The following C2CD3 variants were observed in gnomAD, a reference collection of about 807,000 sequenced individuals.
C2CD3 encodes the protein C2 domain-containing protein 3.
In C2CD3, 148 loss-of-function variants were observed where a neutral mutation model predicts 234.0. The observed-to-expected ratio is 0.63, with a 90% CI of 0.55 to 0.72. The LOEUF is 0.72. Among genes scored for constraint, C2CD3 ranks in the 30% least tolerant of loss-of-function variants. C2CD3 has a pLI of 0.00. For synonymous variants in C2CD3, 1,000 were observed against 1,035.4 expected (o/e 0.97, Z 0.66); for missense variants, 2,577 against 2,811.5 (o/e 0.92, Z 1.89).
intron 22 of C2CD3, among the ~76,000 whole-genome samples, chr11:74,084,541 G>T (rs1955553600): frequency 6.6e-6 from 1 of 152,126 alleles, no homozygotes; most frequent in African/African-American, 2.4e-5. Flanking sequence ...TTCCCAAAGT[G>T]CTGGGATTAC....
At chr11:74,099,009 G>A (rs919848255) in intron 15 of C2CD3, among the ~76,000 whole-genome samples, 1 of 152,178 alleles carries the variant, frequency 6.6e-6, no homozygotes, top group Non-Finnish European at 1.5e-5. Context: ...CAACTATGAT[G>A]CTTGGTACAT....
chr11:74,084,427 TATAATA>T (rs1285103119), intron 22 of C2CD3, among the ~76,000 whole-genome samples: 4 of 96,050 alleles, frequency 4.2e-5, no homozygotes, highest in Non-Finnish European at 3.9e-5. Context: ...GAACTTAAAG[TATAATA>T]AAAAAAAAAA....
chr11:74,162,573 T>C (rs1022839418), intron 2 of C2CD3, among the ~76,000 whole-genome samples: 6 of 152,272 alleles, frequency 3.9e-5, no homozygotes, highest in African/African-American at 1.4e-4. Flanking sequence ...TAATTTCAAA[T>C]AATCACTTAT....
Position 74,078,274 on chromosome 11 carries a change from G to A in C2CD3, c.4444C>T (p.Leu1482Phe). 6.2e-7 allele frequency: 1 copy of A among 1,614,180 alleles called. No individual in the cohort carries two copies. The highest frequency in any genetic ancestry group is 8.5e-7 in the Non-Finnish European group (1 of 1,180,030). ...RAEVTRGPSL[L>F]WYFREERLEI... is the part of the protein sequence containing the mutation. ...AGCCTCTCCTCCCTGAAGTACCAAAGCAGTGATGGGCCCCTGGTGACTTCT... is the reference window on the plus strand; with the variant it reads ...AGCCTCTCCTCCCTGAAGTACCAAAACAGTGATGGGCCCCTGGTGACTTCT... The change falls in exon 23 of 33, where the codon CTT (leucine) becomes TTT (phenylalanine). Residue 1482 changes from leucine (L) to phenylalanine (F), a missense_variant. Leu to Phe is a conservative substitution (Grantham distance 22). Coordinates refer to ENST00000334126, the MANE Select transcript of C2CD3 (RefSeq NM_001286577.2).
chr11:74,168,368 T>G lies in C2CD3; in HGVS notation c.301A>C (p.Lys101Gln). The change falls in exon 2 of 33, where the codon AAA becomes CAA. Residue 101 changes from lysine to glutamine, a missense_variant. Physicochemically the swap from Lys to Gln is moderately conservative, Grantham distance 53 (BLOSUM62 1). Coordinates refer to ENST00000334126, the MANE Select transcript of C2CD3 (RefSeq NM_001286577.2). The stretch of plus-strand genomic sequence containing the variant: ...CCTGTTAGATAAGAGGTAAACTGTT[T>G]TGGACCACAACGAATAGCGTAACGT... ...TTRYAIRCGP[K>Q]QFTSYLTDMA... The G allele has an allele frequency of 6.2e-7, 1 of 1,614,110 alleles. No individual in the cohort carries two copies. Among genetic ancestry groups the G allele is most frequent in the Non-Finnish European group, 8.5e-7 (1 of 1,179,914 alleles).
At chr11:74,027,457 T>C (rs1172292513) in intron 32 of C2CD3, among the ~76,000 whole-genome samples, 2 of 152,186 alleles carry the variant, frequency 1.3e-5, no homozygotes, top group African/African-American at 2.4e-5. Flanking sequence ...CCTCATCAGA[T>C]TGCTAAATTT....
chr11:74,132,852 T>A lies in C2CD3; in HGVS notation c.1209A>T (p.Leu403=). The change falls in exon 7 of 33, where the codon CTA becomes CTT. Residue 403 remains leucine (L), a synonymous_variant. Coordinates refer to ENST00000334126, the MANE Select transcript of C2CD3 (RefSeq NM_001286577.2). ...TKADTRAIQL[L]LGSAELSQGN... ...CAGTTAATAGTGCTTACCTGCCTAA[T>A]AGCAGCTGTATAGCTCTGGTATCAG... is the stretch of plus-strand genomic sequence containing the variant. 6.2e-7 allele frequency: 1 copy of A among 1,613,656 alleles called. No homozygotes were observed. Among genetic ancestry groups the A allele is most frequent in the African/African-American group, 1.3e-5 (1 of 75,046 alleles).
chr11:74,092,903 T>C (rs971185861), intron 18 of C2CD3, among the ~76,000 whole-genome samples: 1 of 151,938 alleles, frequency 6.6e-6, no homozygotes, highest in Non-Finnish European at 1.5e-5. Flanking sequence ...CAAAGTGGAG[T>C]AGGCCCAATA....
chr11:74,116,787 T>C (rs1956942296), intron 9 of C2CD3, among the ~76,000 whole-genome samples: 1 of 146,506 alleles, frequency 6.8e-6, no homozygotes. Context: ...TGTGTATATA[T>C]ATACACACAC....
At chr11:74,133,382 T>C (rs957884394) in intron 6 of C2CD3, 43 bp downstream of exon 6, 5 of 1,573,200 alleles carry the variant, frequency 3.2e-6, no homozygotes, top group Middle Eastern at 1.7e-4. Flanking sequence ...TTAACAACTA[T>C]TAAGAAATGA....
At chr11:74,086,285 C>T (rs1360036356) in intron 20 of C2CD3, among the ~76,000 whole-genome samples, 1 of 152,190 alleles carries the variant, frequency 6.6e-6, no homozygotes, top group Non-Finnish European at 1.5e-5. Flanking sequence ...CAGCATTGGA[C>T]TTGTGTTAGC....
chr11:74,032,621 C>A (rs1484823651), intron 31 of C2CD3, among the ~76,000 whole-genome samples: 1 of 151,996 alleles, frequency 6.6e-6, no homozygotes, highest in Non-Finnish European at 1.5e-5. Context: ...GCTCTAACTG[C>A]AGCATTTTGG....
At chr11:74,146,710 C>CCACACACACATACA (rs1348035118) in intron 3 of C2CD3, among the ~76,000 whole-genome samples, 9 of 84,958 alleles carry the variant, frequency 1.1e-4, no homozygotes, top group Admixed American at 5.6e-4. Context: ...AAAAGTCAAA[C>CCACACACACATACA]CACACACACA....
intron 23 of C2CD3, 135 bp downstream of exon 23, chr11:74,077,979 TA>T: frequency 9.6e-7 from 1 of 1,041,700 alleles, no homozygotes; most frequent in Non-Finnish European, 1.4e-6. Context: ...TTTATGAATG[TA>T]AAATGGGTAT....
rs1184762824 is a variant in C2CD3, at chr11:74,077,793, A to G, written c.4603+322T>C. Among the ~76,000 whole-genome samples the G allele has an allele frequency of 1.0e-3, 11 of 10,920 alleles. 1 individual carries two copies. Among genetic ancestry groups the G allele is most frequent in the African/African-American group, 2.6e-3 (10 of 3,912 alleles). The allele number at this position is 10,920 out of a possible 152,430, so 7.2% of individuals were successfully genotyped here. ...ACAGTATATATATATATATATATATATATATATATATATATATATATATAT... is the reference window on the plus strand; with the variant it reads ...ACAGTATATATATATATATATATATGTATATATATATATATATATATATAT... On this transcript the variant is annotated intron_variant, in intron 23 of 32. Coordinates refer to ENST00000334126, the MANE Select transcript of C2CD3 (RefSeq NM_001286577.2).
chr11:74,084,302 G>C (rs1955536838), intron 22 of C2CD3, among the ~76,000 whole-genome samples: 1 of 152,072 alleles, frequency 6.6e-6, no homozygotes, highest in African/African-American at 2.4e-5. Flanking sequence ...ATGGGGTGGA[G>C]GGCAGGGGGA....
chr11:74,085,609 G>T lies in C2CD3; in HGVS notation c.3910+9C>A, dbSNP rs1412014379. ...TAATTTTGATTGTGACAAGTCATAT[G>T]GTGCTCACCTGACTTGGTATTTTCA... On this transcript the variant is annotated intron_variant, in intron 21 of 32. Transcript: ENST00000334126. The T allele has an allele frequency of 6.2e-7, 1 of 1,613,662 alleles. No homozygotes were observed. Among genetic ancestry groups the T allele is most frequent in the South Asian group, 1.1e-5 (1 of 91,014 alleles).
chr11:74,068,071 C>G (rs781460454), intron 24 of C2CD3, among the ~76,000 whole-genome samples: 1 of 152,152 alleles, frequency 6.6e-6, no homozygotes, highest in Non-Finnish European at 1.5e-5. Flanking sequence ...GTATTCTGAA[C>G]TTAAAAGATT....
At chr11:74,050,204 T>C (rs897951605) in intron 26 of C2CD3, among the ~76,000 whole-genome samples, 1 of 152,236 alleles carries the variant, frequency 6.6e-6, no homozygotes, top group Non-Finnish European at 1.5e-5. Context: ...TATGAGAGAT[T>C]TGCATTTTCC....
Sources: allele counts gnomAD v4.1 joint callset (sites outside exome capture counted in the v4.1 genomes callset), GRCh38; gene constraint gnomAD v4.1.1; transcripts MANE v1.5; gene names NCBI Gene and HGNC (gene_info 2026-07-23, HGNC 2026-07-21).